RYR1: variants seen among roughly 807,000 people sequenced by gnomAD.
RYR1 encodes central core disease of muscle.
In RYR1, 342 loss-of-function variants were observed where a neutral mutation model predicts 583.5. The ratio of observed to expected loss-of-function variants is 0.59; its 90% CI spans 0.54 to 0.64. RYR1 has a LOEUF of 0.64. RYR1 is among the 30% of genes least tolerant of loss of function. The pLI, the probability that RYR1 is intolerant of heterozygous loss-of-function variation, is 0.00. For synonymous variants in RYR1, 2,791 were observed against 2,822.5 expected, an observed-to-expected ratio of 0.99 and a Z score of 0.35; for missense variants, 6,032 against 6,917.2, an observed-to-expected ratio of 0.87 and a Z score of 4.54.
chr19:38,478,625 G>C, intron 31 of RYR1, 25 bp downstream of exon 31: 1 of 1,605,310 alleles, frequency 6.2e-7, no homozygotes. Flanking sequence ...CAGCAATTTA[G>C]CGAGAGCATC....
chr19:38,580,531 AC>A, intron 101 of RYR1, 27 bp downstream of exon 101: 2 of 1,613,452 alleles, frequency 1.2e-6, no homozygotes, highest in Non-Finnish European at 1.7e-6. Context: ...GCACTCTGGG[AC>A]CCTTCCTTCT....
At chr19:38,536,637 G>A in intron 82 of RYR1, 113 bp from the exon 83 acceptor site, 3 of 1,215,556 alleles carry the variant, frequency 2.5e-6, no homozygotes, top group Non-Finnish European at 2.4e-6. Context: ...CTCTCTCTGT[G>A]TGTCTTTCTG....
chr19:38,478,368 G>A lies in RYR1; in HGVS notation c.4455-67G>A, dbSNP rs1968847486. ...GGTTGTGTGTTTCCGGGAGCTTGGG[G>A]AAGGGGGTGTCCAGGGTCCAGAGCT... On this transcript the variant is annotated intron_variant, in intron 30 of 105. Transcript: ENST00000359596. The A allele has an allele frequency of 1.1e-5, 18 of 1,570,976 alleles. No individual in the cohort carries two copies. In the South Asian group the frequency reaches 1.8e-4, roughly 16 times the overall value.
chr19:38,458,826 C>T (rs897086417), intron 18 of RYR1, among the ~76,000 whole-genome samples: 3 of 152,026 alleles, frequency 2.0e-5, no homozygotes, highest in Non-Finnish European at 4.4e-5. Context: ...GGTTTCACCA[C>T]ATTGGCCAGG....
intron 11 of RYR1, among the ~76,000 whole-genome samples, chr19:38,449,161 C>T (rs779508582): frequency 6.6e-6 from 1 of 152,014 alleles, no homozygotes. Flanking sequence ...AAGATAGAGA[C>T]AGAGAAACAG....
intron 92 of RYR1, 102 bp from the exon 93 acceptor site, chr19:38,567,671 G>C (rs1424830726): frequency 1.6e-5 from 25 of 1,573,152 alleles, no homozygotes; most frequent in Non-Finnish European, 2.0e-5. Flanking sequence ...ATCCAAACCT[G>C]GGCCAGGCAC....
intron 83 of RYR1, 136 bp downstream of exon 83, chr19:38,536,903 G>A (rs1971996119): frequency 2.3e-6 from 2 of 880,882 alleles, no homozygotes; most frequent in Admixed American, 2.0e-5. Context: ...CACCCTGCCA[G>A]TGCAAAACCT....
Position 38,485,866 on chromosome 19 carries a change from C to T in RYR1, c.5211C>T (p.Leu1737=). ...RSMLSEYIVP[L]TPETRAITLF... ...TGCTCTCTGAATACATCGTGCCCCT[C>T]ACGCCTGAGACCCGCGCCATCACGC... The change falls in exon 34 of 106, where the codon CTC becomes CTT. Residue 1737 remains leucine (L), a synonymous_variant. Coordinates refer to ENST00000359596, the MANE Select transcript of RYR1 (RefSeq NM_000540.3). The T allele has an allele frequency of 1.2e-6, 2 of 1,613,838 alleles. No homozygotes were observed. Among genetic ancestry groups the T allele is most frequent in the East Asian group, 2.2e-5 (1 of 44,874 alleles).
chr19:38,471,876 T>C (rs1600725797), intron 27 of RYR1, among the ~76,000 whole-genome samples: 1 of 128,576 alleles, frequency 7.8e-6, no homozygotes, highest in Non-Finnish European at 1.6e-5. Context: ...CACTCCAGCC[T>C]GGGTGACAGC....
chr19:38,580,335 A>T, intron 100 of RYR1, 35 bp from the exon 101 acceptor site: 1 of 1,612,504 alleles, frequency 6.2e-7, no homozygotes, highest in Non-Finnish European at 8.5e-7. Flanking sequence ...GGGCAAGCCC[A>T]GGGCGGAGCT....
rs369637169 is a variant in RYR1 at position 38,561,186 on chromosome 19, A to T, written c.12356A>T (p.Asn4119Ile). 6.2e-7 allele frequency: 1 copy of T among 1,614,074 alleles called. No homozygotes were observed. Among genetic ancestry groups the T allele is most frequent in the Non-Finnish European group, 8.5e-7 (1 of 1,180,044 alleles). ...FLLSCSEADENEMINCEEFAN... is the reference protein window; with the variant it reads ...FLLSCSEADEIEMINCEEFAN... Reference sequence around the variant, plus strand: ...CTTTCGTGCTCCGAAGCGGATGAGAACGAAATGATCAACTGCGAAGAGTTC... The same window carrying T: ...CTTTCGTGCTCCGAAGCGGATGAGATCGAAATGATCAACTGCGAAGAGTTC... The change falls in exon 90 of 106, where the codon AAC becomes ATC. Residue 4119 changes from asparagine to isoleucine, a missense_variant. By Grantham distance (149) the Asn-to-Ile change is moderately radical. Around this residue, in one of 11 missense-constraint regions of RYR1, gnomAD observed 753 missense variants for 759.6 expected, o/e 0.99. Coordinates refer to ENST00000359596, the MANE Select transcript of RYR1 (RefSeq NM_000540.3). This position sits in a 1 kb window ranked among gnomAD's most constrained non-coding sequence, Gnocchi z 4.8.
Position 38,499,334 on chromosome 19 carries a change from G to C in RYR1, c.7027+91G>C, listed in dbSNP as rs1159895491. ...ATGACTGCTCGCACCCTGAGCCACA[G>C]ATGGGGTCCAGGCAGGAATCCCTTC... On this transcript the variant is annotated intron_variant, in intron 43 of 105. Coordinates refer to ENST00000359596, the MANE Select transcript of RYR1 (RefSeq NM_000540.3). This position sits in a 1 kb window ranked among gnomAD's most constrained non-coding sequence, Gnocchi z 7.3. The C allele has an allele frequency of 1.3e-6, 2 of 1,590,232 alleles. No homozygotes were observed. Among genetic ancestry groups the C allele is most frequent in the Non-Finnish European group, 8.6e-7 (1 of 1,160,302 alleles).
intron 89 of RYR1, among the ~76,000 whole-genome samples, chr19:38,552,387 T>C (rs1972701758): frequency 1.3e-5 from 2 of 151,688 alleles, no homozygotes; most frequent in Admixed American, 1.3e-4. Context: ...CCCGAGTAGC[T>C]GGACTACAGG....
intron 95 of RYR1, 89 bp downstream of exon 95, chr19:38,572,359 C>A (rs1297030250): frequency 1.7e-5 from 22 of 1,315,182 alleles, no homozygotes; most frequent in Non-Finnish European, 2.2e-5. Context: ...GGCTGGGGGC[C>A]CTCAAAGTGG....
At position 38,452,994 on chromosome 19, in the gene RYR1, C is replaced by T; in HGVS notation, c.1420C>T (p.Gln474Ter). 6.2e-7 allele frequency: 1 copy of T among 1,613,850 alleles called. No homozygotes were observed. The highest frequency in any genetic ancestry group is 8.5e-7 in the Non-Finnish European group (1 of 1,179,806). Residue 474 changes from glutamine (Q) to a stop codon, truncating the protein, a stop_gained, in exon 13 of 106, where the codon CAG becomes TAG. Coordinates refer to ENST00000359596, the MANE Select transcript of RYR1 (RefSeq NM_000540.3). LOFTEE classifies it high-confidence loss of function. ...QSKLRSLRNR[Q>*]SLFQEEGMLS... Reference sequence around the variant, plus strand: ...CAAGCTGCGAAGCCTGCGCAACCGCCAGAGCCTCTTCCAGGAGGAGGTGAG... The same window carrying T: ...CAAGCTGCGAAGCCTGCGCAACCGCTAGAGCCTCTTCCAGGAGGAGGTGAG...
chr19:38,496,404 C>G lies in RYR1; in HGVS notation c.6664-5C>G, dbSNP rs867630021. The G allele has an allele frequency of 3.1e-6, 5 of 1,613,844 alleles. No individual in the cohort carries two copies. In the Middle Eastern group the frequency reaches 8.2e-4, roughly 266 times the overall value. On this transcript the variant is annotated splice_region_variant and splice_polypyrimidine_tract_variant and intron_variant, in intron 40 of 105. Coordinates refer to ENST00000359596, the MANE Select transcript of RYR1 (RefSeq NM_000540.3). The surrounding 1 kb of genome is among the most constrained non-coding windows in gnomAD (Gnocchi z 4.8). ...GGCAGGCCCTGACCACCCTGCCTGT[C>G]CCAGGAGATCCGCTTCCCCAAGATG...
intron 99 of RYR1, among the ~76,000 whole-genome samples, 199 bp downstream of exon 99, chr19:38,578,403 A>G (rs1264226914): frequency 6.6e-6 from 1 of 152,064 alleles, no homozygotes; most frequent in Non-Finnish European, 1.5e-5. Context: ...TTTTTTTTAA[A>G]TAGCTGGGAT....
chr19:38,452,734 G>T (rs989012028), intron 12 of RYR1, 85 bp from the exon 13 acceptor site: 1 of 1,257,838 alleles, frequency 8.0e-7, no homozygotes, highest in Non-Finnish European at 1.1e-6. Context: ...GGGTCTGGGG[G>T]AGTCTTGCGG....
chr19:38,572,489 C>T (rs1162028983), intron 95 of RYR1, among the ~76,000 whole-genome samples: 15 of 152,088 alleles, frequency 9.9e-5, no homozygotes, highest in African/African-American at 3.4e-4. Flanking sequence ...GGAACGGACA[C>T]GGCTTATAGC....
Sources: allele counts gnomAD v4.1 joint callset (sites outside exome capture counted in the v4.1 genomes callset), GRCh38; gene constraint gnomAD v4.1.1; regional missense constraint gnomAD v4.1.1; non-coding constraint Gnocchi (gnomAD v3.1); transcripts MANE v1.5; gene names NCBI Gene and HGNC (gene_info 2026-07-23, HGNC 2026-07-21).